The following ADAMTS9 variants were observed in gnomAD, a reference collection of about 807,000 sequenced individuals.
The protein encoded by ADAMTS9 is A disintegrin and metalloproteinase with thrombospondin motifs 9.
In ADAMTS9, 107 loss-of-function variants were observed where a neutral mutation model predicts 257.1. The ratio of observed to expected loss-of-function variants is 0.42; its 90% CI spans 0.36 to 0.49. ADAMTS9 has a LOEUF of 0.49. Ranked by LOEUF, ADAMTS9 falls within the 20% of genes least tolerant of loss-of-function variation. ADAMTS9 has a pLI of 0.03. For synonymous variants in ADAMTS9, 982 were observed against 880.9 expected (o/e 1.11, Z -2.03); for missense variants, 2,353 against 2,469.1 (o/e 0.95, Z 1.00).
intron 11 of ADAMTS9, among the ~76,000 whole-genome samples, chr3:64,642,744 G>A (rs1700683358): frequency 6.6e-6 from 1 of 152,246 alleles, no homozygotes; most frequent in South Asian, 2.1e-4. Context: ...GTGGACAAAG[G>A]AAAAGTGGCG....
intron 22 of ADAMTS9, among the ~76,000 whole-genome samples, chr3:64,612,750 T>C (rs181125424): frequency 2.0e-5 from 3 of 152,200 alleles, no homozygotes; most frequent in Non-Finnish European, 4.4e-5. Context: ...GCTTCTCAGA[T>C]GCAAGCCCAA....
rs561929245 is a variant in ADAMTS9, at chr3:64,613,382, G to C, written c.3317C>G (p.Pro1106Arg). 6.2e-7 allele frequency: 1 copy of C among 1,613,762 alleles called. No individual in the cohort carries two copies. Among genetic ancestry groups the C allele is most frequent in the Non-Finnish European group, 8.5e-7 (1 of 1,179,834 alleles). ...KPTSMQTCQQ[P>R]ECASWQAGPW... Reference sequence around the variant, plus strand: ...ACCCGCCTGCCAGGATGCACATTCCGGCTGCTGACAAGTCTGCATAGATGT... The same window carrying C: ...ACCCGCCTGCCAGGATGCACATTCCCGCTGCTGACAAGTCTGCATAGATGT... The change falls in exon 22 of 40, where the codon CCG becomes CGG. Residue 1106 changes from proline (P) to arginine (R), a missense_variant. Transcript: ENST00000498707.
At chr3:64,535,217 A>G (rs2083034691) in intron 37 of ADAMTS9, among the ~76,000 whole-genome samples, 1 of 152,026 alleles carries the variant, frequency 6.6e-6, no homozygotes, top group Non-Finnish European at 1.5e-5. Context: ...CATCTCTTCT[A>G]AGAATACAAA....
intron 4 of ADAMTS9, among the ~76,000 whole-genome samples, chr3:64,657,031 C>T (rs1485940734): frequency 6.6e-6 from 1 of 152,054 alleles, no homozygotes; most frequent in African/African-American, 2.4e-5. Context: ...GGACCCATCT[C>T]GAATCGTTCA....
chr3:64,527,925 T>G (rs554738682), intron 38 of ADAMTS9, among the ~76,000 whole-genome samples: 1 of 152,336 alleles, frequency 6.6e-6, no homozygotes, highest in East Asian at 1.9e-4. Context: ...TGTGTTTATT[T>G]CAGGTGCCTG....
At chr3:64,682,678 C>A (rs1386646723) in intron 2 of ADAMTS9, among the ~76,000 whole-genome samples, 1 of 152,202 alleles carries the variant, frequency 6.6e-6, no homozygotes, top group Non-Finnish European at 1.5e-5. Flanking sequence ...CAGCTGCATC[C>A]GCATCAGCAT....
rs571099003 is a variant in ADAMTS9, at chr3:64,654,619, G to A, written c.1170-7C>T. 38 of 1,614,120 alleles carry A rather than the reference G, an allele frequency of 2.4e-5. No individual in the cohort carries two copies. The highest frequency in any genetic ancestry group is 3.3e-4 in the Middle Eastern group (2 of 6,062). On this transcript the variant is annotated splice_polypyrimidine_tract_variant and splice_region_variant and intron_variant, in intron 6 of 39. Transcript: ENST00000498707. Reference sequence around the variant, plus strand: ...AGCTCTGCAGATATCCTGTCTGAAAGCAAAGCAGACTTAGGCCTTGATGAC... The same window carrying A: ...AGCTCTGCAGATATCCTGTCTGAAAACAAAGCAGACTTAGGCCTTGATGAC...
intron 18 of ADAMTS9, 116 bp downstream of exon 18, chr3:64,622,082 A>G (rs1177057964): frequency 3.7e-6 from 4 of 1,075,142 alleles, no homozygotes; most frequent in Admixed American, 6.1e-5. Context: ...AAGAGATTAG[A>G]GAACGTATGC....
chr3:64,528,794 T>C (rs2082941844), intron 38 of ADAMTS9, among the ~76,000 whole-genome samples: 1 of 152,252 alleles, frequency 6.6e-6, no homozygotes, highest in African/African-American at 2.4e-5. Context: ...ATTTCATTTA[T>C]GTTTCACAAT....
intron 28 of ADAMTS9, chr3:64,582,411 G>A (rs1391317510): frequency 4.6e-5 from 7 of 152,152 alleles, no homozygotes; most frequent in African/African-American, 4.8e-5. Context: ...CCTTTGAGGA[G>A]GAAGGGAATG....
intron 30 of ADAMTS9, among the ~76,000 whole-genome samples, chr3:64,553,605 G>A (rs903154147): frequency 6.6e-6 from 1 of 152,068 alleles, no homozygotes; most frequent in African/African-American, 2.4e-5. Context: ...CGTGCCTTTC[G>A]TGAGCTACCC....
At chr3:64,635,361 C>T (rs1178975011) in intron 12 of ADAMTS9, among the ~76,000 whole-genome samples, 1 of 152,160 alleles carries the variant, frequency 6.6e-6, no homozygotes, top group Non-Finnish European at 1.5e-5. Flanking sequence ...AGAGACGATG[C>T]TGTGTACTTA....
At chr3:64,549,812 G>A (rs1390272489) in intron 31 of ADAMTS9, among the ~76,000 whole-genome samples, 2 of 152,096 alleles carry the variant, frequency 1.3e-5, no homozygotes, top group Non-Finnish European at 2.9e-5. Flanking sequence ...TCCCCTCGAA[G>A]GACAAAATTC....
chr3:64,570,717 AAAAAAG>A (rs1352780960), intron 28 of ADAMTS9, among the ~76,000 whole-genome samples: 1 of 151,626 alleles, frequency 6.6e-6, no homozygotes, highest in Non-Finnish European at 1.5e-5. Context: ...AAAAAAAAAA[AAAAAAG>A]ATGTATTTTT....
rs1416027694 is a variant in ADAMTS9 at position 64,686,795 on chromosome 3, G to T, written c.289C>A (p.Gln97Lys). ...ASSSSSSTSS[Q>K]AHYRLSAFGQ... is the part of the protein sequence containing the mutation. ...AAGGCAGAGAGGCGGTAATGCGCCT[G>T]GGAGGAGGTAGAGGAGGAAGAGGAG... The change falls in exon 2 of 40, where the codon CAG becomes AAG. Residue 97 changes from glutamine (Q) to lysine (K), a missense_variant. Gln to Lys is a moderately conservative substitution (Grantham distance 53, BLOSUM62 1). Transcript: ENST00000498707. The surrounding 1 kb of genome is among the most constrained non-coding windows in gnomAD (Gnocchi z 4.6). The T allele has an allele frequency of 1.2e-6, 2 of 1,614,134 alleles. No homozygotes were observed. The highest frequency in any genetic ancestry group is 1.7e-6 in the Non-Finnish European group (2 of 1,180,010).
chr3:64,552,297 T>C (rs2083280420), intron 30 of ADAMTS9, among the ~76,000 whole-genome samples: 1 of 152,198 alleles, frequency 6.6e-6, no homozygotes, highest in Non-Finnish European at 1.5e-5. Flanking sequence ...AGATTCTTAT[T>C]TGTTTTGCTT....
Position 64,649,792 on chromosome 3 carries a change from C to A in ADAMTS9, c.1464-14G>T. On this transcript the variant is annotated splice_polypyrimidine_tract_variant and intron_variant, in intron 9 of 39. Coordinates refer to ENST00000498707, the MANE Select transcript of ADAMTS9 (RefSeq NM_182920.2). ...CCATAACCAGTGCTACGGAAACACA[C>A]AGAAACACACAGATGGTGAGAACGG... The A allele has an allele frequency of 6.2e-7, 1 of 1,607,446 alleles. No individual in the cohort carries two copies. Among genetic ancestry groups the A allele is most frequent in the South Asian group, 1.1e-5 (1 of 89,848 alleles).
At chr3:64,605,993 A>C (rs1241006214) in intron 23 of ADAMTS9, among the ~76,000 whole-genome samples, 1 of 152,196 alleles carries the variant, frequency 6.6e-6, no homozygotes, top group Non-Finnish European at 1.5e-5. Context: ...CTATGTTTGT[A>C]ATTGCCAAAT....
At chr3:64,602,262 G>C (rs1376822557) in intron 25 of ADAMTS9, 49 bp from the exon 26 acceptor site, 2 of 1,589,952 alleles carry the variant, frequency 1.3e-6, no homozygotes, top group African/African-American at 2.7e-5. Context: ...TGGTGGAGGG[G>C]TTGACAATTC....
Sources: gnomAD v4.1 joint callset for allele counts (sites outside exome capture counted in the v4.1 genomes callset) on GRCh38, gnomAD v4.1.1 for gene constraint, Gnocchi (gnomAD v3.1) non-coding constraint, MANE v1.5 for transcripts, NCBI Gene and HGNC (gene_info 2026-07-23, HGNC 2026-07-21) for gene names.